Variants in CLSTN2 observed in about 807,000 individuals in gnomAD.
The protein encoded by CLSTN2 is calsyntenin 2, also known as calsyntenin-2.
In CLSTN2, 48 loss-of-function variants were observed where a neutral mutation model predicts 101.2. The observed-to-expected ratio is 0.47, with a 90% CI of 0.38 to 0.60. CLSTN2 has a LOEUF of 0.60. CLSTN2 is among the 20% of genes least tolerant of loss of function. The pLI is 0.00. For synonymous variants in CLSTN2, 481 were observed against 463.6 expected (o/e 1.04, Z -0.48); for missense variants, 1,160 against 1,238.2 (o/e 0.94, Z 0.95).
chr3:140,072,537 G>C (rs1423034679), intron 1 of CLSTN2, among the ~76,000 whole-genome samples: 1 of 152,286 alleles, frequency 6.6e-6, no homozygotes, highest in African/African-American at 2.4e-5. Flanking sequence ...GGGTTGTGTA[G>C]ACACAGATTC....
chr3:140,542,138 T>C (rs1486976273), intron 9 of CLSTN2, among the ~76,000 whole-genome samples: 1 of 152,354 alleles, frequency 6.6e-6, no homozygotes, highest in Non-Finnish European at 1.5e-5. Context: ...TTATTTTTTT[T>C]CCCTCTTACC....
chr3:140,203,461 G>GTTTTT lies in CLSTN2; in HGVS notation c.232+27414_232+27418dup, dbSNP rs58182333. 5.2e-4 allele frequency among the ~76,000 whole-genome samples: 35 copies of GTTTTT among 67,914 alleles called. 1 individual carries two copies. The highest frequency in any genetic ancestry group is 1.5e-3 in the East Asian group (3 of 2,010). The allele number at this position is 67,914 out of a possible 152,430, so 44.6% of individuals were successfully genotyped here. A position where few individuals can be genotyped will look rare whatever the true frequency, so the allele number is the denominator to read the frequency against. On this transcript the variant is annotated intron_variant, in intron 2 of 16. Transcript: ENST00000458420. ...GAAGAGGGGTTAAGAGAAAGTGTGG[G>GTTTTT]TTTTTTTTTTTTTTTTTTTTTTTTT... is the stretch of plus-strand genomic sequence containing the variant.
intron 1 of CLSTN2, among the ~76,000 whole-genome samples, chr3:140,025,964 A>C (rs1285522235): frequency 6.6e-6 from 1 of 152,160 alleles, no homozygotes; most frequent in Non-Finnish European, 1.5e-5. Flanking sequence ...TGCTGCTGAT[A>C]GTGAAGGTGA....
At chr3:140,250,951 T>G (rs1457507762) in intron 2 of CLSTN2, among the ~76,000 whole-genome samples, 1 of 152,234 alleles carries the variant, frequency 6.6e-6, no homozygotes, top group Non-Finnish European at 1.5e-5. Flanking sequence ...TTTTAAAGCA[T>G]TTCTTAAGCA....
At chr3:140,281,886 G>A (rs949321937) in intron 2 of CLSTN2, among the ~76,000 whole-genome samples, 4 of 152,100 alleles carry the variant, frequency 2.6e-5, no homozygotes, top group East Asian at 1.9e-4. Context: ...CTGCTCTATC[G>A]GATTAGTTAA....
chr3:140,477,244 T>G (rs1277699742), intron 8 of CLSTN2, among the ~76,000 whole-genome samples: 1 of 152,180 alleles, frequency 6.6e-6, no homozygotes, highest in Non-Finnish European at 1.5e-5. Context: ...CTAAAGGAAG[T>G]GCCCTTTAAT....
At chr3:140,049,505 C>T (rs530505211) in intron 1 of CLSTN2, among the ~76,000 whole-genome samples, 4 of 152,324 alleles carry the variant, frequency 2.6e-5, no homozygotes, top group Admixed American at 1.3e-4. Context: ...ATTTTCTCTT[C>T]TCAGCCTCCC....
At chr3:140,231,069 T>C (rs58104749) in intron 2 of CLSTN2, among the ~76,000 whole-genome samples, 2,551 of 152,308 alleles carry the variant, frequency 0.017, 75 homozygotes, top group African/African-American at 0.058. Flanking sequence ...ACATCTTTTA[T>C]AGATCTTCCC....
chr3:140,550,110 C>CAAAT, intron 10 of CLSTN2, among the ~76,000 whole-genome samples: 1 of 151,614 alleles, frequency 6.6e-6, no homozygotes, highest in East Asian at 2.0e-4. Flanking sequence ...CTCCTAGGTT[C>CAAAT]AAATCACTGC....
chr3:140,483,427 G>T (rs971564653), intron 8 of CLSTN2, among the ~76,000 whole-genome samples: 9 of 152,168 alleles, frequency 5.9e-5, no homozygotes, highest in Non-Finnish European at 1.3e-4. Context: ...CTGTTGATTT[G>T]GGGTGGAGAG....
chr3:140,124,471 G>T (rs991652446), intron 1 of CLSTN2, among the ~76,000 whole-genome samples: 1 of 152,150 alleles, frequency 6.6e-6, no homozygotes, highest in Non-Finnish European at 1.5e-5. Flanking sequence ...GGTGGGAGGT[G>T]GTGAGAAGTG....
At chr3:140,242,792 A>G (rs1326799281) in intron 2 of CLSTN2, among the ~76,000 whole-genome samples, 1 of 152,164 alleles carries the variant, frequency 6.6e-6, no homozygotes, top group African/African-American at 2.4e-5. Flanking sequence ...TGGCCTCTGG[A>G]GGAAAAGTGC....
chr3:139,966,183 C>T (rs1174503583), intron 1 of CLSTN2, among the ~76,000 whole-genome samples: 1 of 152,168 alleles, frequency 6.6e-6, no homozygotes, highest in Non-Finnish European at 1.5e-5. Flanking sequence ...GCAGAAACTT[C>T]CTACCCAGTC....
intron 2 of CLSTN2, among the ~76,000 whole-genome samples, chr3:140,296,916 C>G (rs1302681454): frequency 6.6e-6 from 1 of 152,222 alleles, no homozygotes; most frequent in Non-Finnish European, 1.5e-5. Flanking sequence ...GCTAAGCCAG[C>G]AGGAGTGGTC....
chr3:140,537,196 C>G (rs570722153), intron 9 of CLSTN2, among the ~76,000 whole-genome samples: 7 of 152,056 alleles, frequency 4.6e-5, no homozygotes, highest in East Asian at 1.9e-4. Context: ...AAATTTCAGA[C>G]GAGGCTTTAA....
chr3:140,289,588 C>CA (rs772672521), intron 2 of CLSTN2, among the ~76,000 whole-genome samples: 32 of 152,220 alleles, frequency 2.1e-4, no homozygotes, highest in Non-Finnish European at 4.0e-4. Context: ...TCATTGCCTC[C>CA]AGAATCAAGA....
chr3:140,385,295 C>G (rs1007612616), intron 2 of CLSTN2, among the ~76,000 whole-genome samples: 2 of 150,342 alleles, frequency 1.3e-5, no homozygotes, highest in African/African-American at 4.9e-5. Context: ...ACGGCTCACT[C>G]TCATGATGGC....
chr3:140,125,333 C>A (rs954477486), intron 1 of CLSTN2, among the ~76,000 whole-genome samples: 4 of 151,958 alleles, frequency 2.6e-5, no homozygotes, highest in African/African-American at 7.3e-5. Context: ...ACAGAGAGGG[C>A]AGTTACAGGA....
chr3:140,002,892 TG>T (rs2006873112), intron 1 of CLSTN2, among the ~76,000 whole-genome samples: 2 of 152,230 alleles, frequency 1.3e-5, no homozygotes. Flanking sequence ...GATTTGTTTC[TG>T]GGTTCTCTAT....
Sources: gnomAD v4.1 joint callset for allele counts (sites outside exome capture counted in the v4.1 genomes callset) on GRCh38, gnomAD v4.1.1 for gene constraint, MANE v1.5 for transcripts, NCBI Gene and HGNC (gene_info 2026-07-23, HGNC 2026-07-21) for gene names.